The following SYCP1 variants were observed in gnomAD, a reference collection of about 807,000 sequenced individuals.
SYCP1 encodes the protein synaptonemal complex protein 1, also known as cancer/testis antigen 8.
A neutral mutation model predicts 153.1 loss-of-function variants in SYCP1; 64 were observed. The observed-to-expected ratio is 0.42, with a 90% CI of 0.34 to 0.51. The LOEUF (loss-of-function observed/expected upper bound fraction) is 0.51, where lower values mean the gene tolerates loss of function less well. Among genes scored for constraint, SYCP1 ranks in the 20% least tolerant of loss-of-function variants. SYCP1 has a pLI of 0.06. For missense variants in SYCP1, 997 were observed against 1,049.0 expected (o/e 0.95, Z 0.68); for synonymous variants, 384 against 341.8 (o/e 1.12, Z -1.36).
At chr1:114,859,170 C>A (rs1333992091) in intron 6 of SYCP1, among the ~76,000 whole-genome samples, 1 of 152,170 alleles carries the variant, frequency 6.6e-6, no homozygotes, top group Non-Finnish European at 1.5e-5. Context: ...TCACTGCAAC[C>A]TTCGCCTCCC....
chr1:114,945,274 C>T (rs1670638291), intron 25 of SYCP1, among the ~76,000 whole-genome samples: 1 of 151,944 alleles, frequency 6.6e-6, no homozygotes, highest in Admixed American at 6.6e-5. Context: ...ATAGCACTTT[C>T]TACCTTATAT....
chr1:114,960,399 C>T (rs1671711702), intron 27 of SYCP1, among the ~76,000 whole-genome samples: 1 of 152,092 alleles, frequency 6.6e-6, no homozygotes, highest in Admixed American at 6.6e-5. Flanking sequence ...AACTCCTGAC[C>T]TCAGGTGATC....
chr1:114,874,313 C>G (rs1431699126), intron 8 of SYCP1, among the ~76,000 whole-genome samples, 193 bp from the exon 9 acceptor site: 2 of 152,204 alleles, frequency 1.3e-5, no homozygotes, highest in Non-Finnish European at 2.9e-5. Flanking sequence ...GACTTCTAAG[C>G]TTCTTCACAA....
intron 8 of SYCP1, among the ~76,000 whole-genome samples, chr1:114,864,505 G>C (rs897412693): frequency 1.3e-5 from 2 of 151,708 alleles, no homozygotes; most frequent in African/African-American, 2.4e-5. Flanking sequence ...TTTTGATGGG[G>C]GGTGGGGTGG....
chr1:114,879,721 G>A (rs776973167), intron 12 of SYCP1, among the ~76,000 whole-genome samples: 1 of 152,144 alleles, frequency 6.6e-6, no homozygotes, highest in Non-Finnish European at 1.5e-5. Context: ...TATGATTCCT[G>A]TAGACTCATA....
chr1:114,980,017 G>A (rs1409040695), intron 28 of SYCP1, among the ~76,000 whole-genome samples: 1 of 151,716 alleles, frequency 6.6e-6, no homozygotes, highest in Admixed American at 6.6e-5. Context: ...GTGTGTGTGT[G>A]CTCTAGAGAA....
chr1:114,856,703 T>C (rs759506767), intron 3 of SYCP1, 46 bp downstream of exon 3: 10 of 1,358,256 alleles, frequency 7.4e-6, no homozygotes, highest in Non-Finnish European at 1.0e-5. Context: ...AGAAACATTG[T>C]GTTACATACA....
At chr1:114,939,038 C>T (rs1278308603) in intron 23 of SYCP1, among the ~76,000 whole-genome samples, 1 of 152,072 alleles carries the variant, frequency 6.6e-6, no homozygotes. Flanking sequence ...ACTATATGAT[C>T]CACTAATTTC....
chr1:114,904,120 C>CTT (rs1272855607), intron 16 of SYCP1, among the ~76,000 whole-genome samples: 8 of 142,268 alleles, frequency 5.6e-5, no homozygotes, highest in Admixed American at 1.4e-4. Context: ...TTCTTTCTTT[C>CTT]TTTTTTTTTT....
intron 6 of SYCP1, 99 bp from the exon 7 acceptor site, chr1:114,859,644 C>G: frequency 3.7e-6 from 2 of 538,420 alleles, no homozygotes; most frequent in South Asian, 6.2e-5. Flanking sequence ...TTCTTTTAGA[C>G]CATTGTGTAT....
At chr1:114,992,496 A>C (rs984863325) in intron 30 of SYCP1, among the ~76,000 whole-genome samples, 36 of 151,610 alleles carry the variant, frequency 2.4e-4, no homozygotes, top group African/African-American at 8.2e-4. Flanking sequence ...ACCCTCACAT[A>C]CATAGTCAGT....
chr1:114,899,847 C>T (rs1263941252), intron 16 of SYCP1, among the ~76,000 whole-genome samples: 2 of 152,164 alleles, frequency 1.3e-5, no homozygotes, highest in Non-Finnish European at 2.9e-5. Flanking sequence ...CTGGATACTC[C>T]AGAGGCCCTT....
At position 114,868,669 on chromosome 1, in the gene SYCP1, C is replaced by A. The variant is rs185145744; in HGVS notation, c.599-5837C>A. On this transcript the variant is annotated intron_variant, in intron 8 of 31. Transcript: ENST00000369522. ...ATGTTTGTAGAATTCACCAGTGAAGCTGGCAGGCCTGGTGCTTTCTGTTCT... is the reference window on the plus strand; with the variant it reads ...ATGTTTGTAGAATTCACCAGTGAAGATGGCAGGCCTGGTGCTTTCTGTTCT... 1.5e-3 allele frequency among the ~76,000 whole-genome samples: 235 copies of A among 152,316 alleles called. 1 individual carries two copies. The highest frequency in any genetic ancestry group is 2.3e-3 in the Non-Finnish European group (158 of 68,036).
At chr1:114,947,956 G>A (rs1039854797) in intron 27 of SYCP1, among the ~76,000 whole-genome samples, 5 of 148,670 alleles carry the variant, frequency 3.4e-5, no homozygotes, top group African/African-American at 1.2e-4. Flanking sequence ...TGTGCACAAC[G>A]TGCAGGTTTG....
At chr1:114,954,814 C>T (rs757210885) in intron 27 of SYCP1, among the ~76,000 whole-genome samples, 2 of 152,028 alleles carry the variant, frequency 1.3e-5, no homozygotes, top group South Asian at 2.1e-4. Flanking sequence ...CTCTTGACCT[C>T]GCGATCCGCC....
At chr1:114,854,392 C>G (rs1184858592), upstream of SYCP1, among the ~76,000 whole-genome samples, 1 of 152,222 alleles carries the variant, frequency 6.6e-6, no homozygotes, top group Non-Finnish European at 1.5e-5. Flanking sequence ...CCCGCCTTGG[C>G]CTCCCAAAGT....
At chr1:114,907,116 C>G (rs1173178587) in intron 16 of SYCP1, among the ~76,000 whole-genome samples, 1 of 152,034 alleles carries the variant, frequency 6.6e-6, no homozygotes, top group East Asian at 1.9e-4. Flanking sequence ...GTTTTAAAGT[C>G]TATTTTAACA....
chr1:114,979,267 A>C (rs186481693), intron 28 of SYCP1, among the ~76,000 whole-genome samples: 126 of 151,804 alleles, frequency 8.3e-4, no homozygotes, highest in African/African-American at 2.8e-3. Flanking sequence ...ATAAAGGGAT[A>C]ATAATAATAC....
intron 23 of SYCP1, among the ~76,000 whole-genome samples, chr1:114,942,100 A>T (rs972476595): frequency 1.3e-5 from 2 of 152,098 alleles, no homozygotes; most frequent in Non-Finnish European, 2.9e-5. Context: ...CCACATTTAG[A>T]CTTGGTATAA....
Sources: gnomAD v4.1 joint callset for allele counts (sites outside exome capture counted in the v4.1 genomes callset) on GRCh38, gnomAD v4.1.1 for gene constraint, MANE v1.5 for transcripts, NCBI Gene and HGNC (gene_info 2026-07-23, HGNC 2026-07-21) for gene names.